The following COLEC12 variants were observed in gnomAD, a reference collection of about 807,000 sequenced individuals.
COLEC12 encodes the protein collectin subfamily member 12.
In COLEC12, 33 loss-of-function variants were observed where a neutral mutation model predicts 71.1. That is an observed-to-expected ratio of 0.46 (90% CI 0.35 to 0.62). The LOEUF (loss-of-function observed/expected upper bound fraction) is 0.62. Ranked by LOEUF, COLEC12 falls within the 20% of genes least tolerant of loss-of-function variation. COLEC12 has a pLI of 0.00. For missense variants in COLEC12, 765 were observed against 916.1 expected (o/e 0.84, Z 2.13); for synonymous variants, 350 against 353.0 (o/e 0.99, Z 0.10).
chr18:324,529 C>T (rs60776125), intron 8 of COLEC12, among the ~76,000 whole-genome samples: 40,042 of 151,990 alleles, frequency 0.26, 5,532 homozygotes, highest in African/African-American at 0.29. Flanking sequence ...ATATAAGATA[C>T]TTAGAATAGG....
chr18:360,294 T>C (rs1287698874), intron 2 of COLEC12, among the ~76,000 whole-genome samples: 1 of 151,952 alleles, frequency 6.6e-6, no homozygotes, highest in Admixed American at 6.6e-5. Flanking sequence ...GTGATTCTCC[T>C]GCCTCAGCCT....
intron 2 of COLEC12, among the ~76,000 whole-genome samples, chr18:369,656 G>A (rs1156748675): frequency 6.6e-6 from 1 of 151,972 alleles, no homozygotes; most frequent in Admixed American, 6.6e-5. Context: ...TGGAAACAAG[G>A]TAAATTTCAA....
intron 2 of COLEC12, among the ~76,000 whole-genome samples, chr18:363,062 A>G (rs1914781467): frequency 6.6e-6 from 1 of 152,010 alleles, no homozygotes; most frequent in Non-Finnish European, 1.5e-5. Flanking sequence ...CTGATCAGTG[A>G]GCCGTTTGCT....
chr18:479,553 C>CACAT (rs1469765031), intron 2 of COLEC12, among the ~76,000 whole-genome samples: 3 of 151,728 alleles, frequency 2.0e-5, no homozygotes. Flanking sequence ...CTCTCTCTCA[C>CACAT]ACACACACAG....
chr18:368,604 C>A (rs1008236771), intron 2 of COLEC12, among the ~76,000 whole-genome samples: 1 of 143,762 alleles, frequency 7.0e-6, no homozygotes, highest in African/African-American at 2.6e-5. Flanking sequence ...GTGGCTCAGG[C>A]CTGTAATCCC....
intron 2 of COLEC12, among the ~76,000 whole-genome samples, chr18:391,347 C>T (rs1567893919): frequency 6.6e-6 from 1 of 152,198 alleles, no homozygotes; most frequent in Non-Finnish European, 1.5e-5. Flanking sequence ...AACATTTTAC[C>T]CTCCACAATT....
intron 5 of COLEC12, among the ~76,000 whole-genome samples, chr18:345,384 T>C (rs1049337447): frequency 7.2e-5 from 11 of 152,242 alleles, no homozygotes; most frequent in African/African-American, 2.7e-4. Flanking sequence ...CATTCATTTA[T>C]TTGTTTATTT....
At chr18:325,760 C>G (rs941060769) in intron 8 of COLEC12, among the ~76,000 whole-genome samples, 13 of 149,850 alleles carry the variant, frequency 8.7e-5, no homozygotes, top group Non-Finnish European at 1.5e-4. Context: ...ACCTCCCAAG[C>G]TCAAGTGATC....
intron 2 of COLEC12, among the ~76,000 whole-genome samples, chr18:471,630 A>C (rs1218406101): frequency 1.3e-5 from 2 of 151,186 alleles, no homozygotes; most frequent in African/African-American, 4.8e-5. Flanking sequence ...AACAAATTAT[A>C]AATAATAGTA....
chr18:335,410 C>T (rs115832808), intron 5 of COLEC12, among the ~76,000 whole-genome samples, 180 bp from the exon 6 acceptor site: 497 of 152,296 alleles, frequency 3.3e-3, no homozygotes, highest in African/African-American at 0.011. Flanking sequence ...TTATGTCCTC[C>T]TCCAAATTCT....
chr18:384,506 C>T (rs1915301602), intron 2 of COLEC12, among the ~76,000 whole-genome samples: 1 of 152,164 alleles, frequency 6.6e-6, no homozygotes, highest in Non-Finnish European at 1.5e-5. Context: ...CCCTGCATTG[C>T]TATTAAAGGT....
chr18:397,285 T>C (rs893858639), intron 2 of COLEC12, among the ~76,000 whole-genome samples: 10 of 152,148 alleles, frequency 6.6e-5, no homozygotes, highest in South Asian at 2.1e-4. Context: ...CCCTAAGCAG[T>C]AGGTTCCAAG....
At chr18:488,081 A>G (rs1397652861) in intron 1 of COLEC12, among the ~76,000 whole-genome samples, 1 of 152,216 alleles carries the variant, frequency 6.6e-6, no homozygotes, top group Non-Finnish European at 1.5e-5. Context: ...AGAAAATAAT[A>G]TATCTGGAAA....
chr18:348,433 T>C (rs1289029712), intron 3 of COLEC12, among the ~76,000 whole-genome samples: 1 of 152,204 alleles, frequency 6.6e-6, no homozygotes, highest in Non-Finnish European at 1.5e-5. Flanking sequence ...CAGAAATCAT[T>C]TGGAACTAAT....
rs1913616165 is a variant in COLEC12, at chr18:318,803, TTTTAAGAGTTCCACAAA to T, written c.*1225_*1241del. 2 of 152,220 alleles carry T rather than the reference TTTTAAGAGTTCCACAAA, an allele frequency of 1.3e-5. No individual in the cohort carries two copies. Among genetic ancestry groups the T allele is most frequent in the African/African-American group, 2.4e-5 (1 of 41,448 alleles). 9.4% of individuals were successfully genotyped at this position (152,220 alleles called of 1,614,324 possible). A position where few individuals can be genotyped will look rare whatever the true frequency, so the allele number is the denominator to read the frequency against. On this transcript the variant is annotated 3_prime_UTR_variant, in exon 10 of 10. Coordinates refer to ENST00000400256, the MANE Select transcript of COLEC12 (RefSeq NM_130386.3). ...CCACTGCGCCCGGCTGGAAAGGTTCTTTTAAGAGTTCCACAAAGTGGCCAAAAGTTTATTCTTGCATT... is the reference window on the plus strand; with the variant it reads ...CCACTGCGCCCGGCTGGAAAGGTTCTGTGGCCAAAAGTTTATTCTTGCATT...
In COLEC12 at chr18:321,658, T is replaced by C; in HGVS notation, c.2209+4A>G. 1 of 1,614,192 alleles carries C rather than the reference T, an allele frequency of 6.2e-7. No homozygotes were observed. The highest frequency in any genetic ancestry group is 8.5e-7 in the Non-Finnish European group (1 of 1,180,026). On this transcript the variant is annotated splice_donor_region_variant and intron_variant, in intron 9 of 9. Coordinates refer to ENST00000400256, the MANE Select transcript of COLEC12 (RefSeq NM_130386.3). ...CTCCCTCTTAAATCCCATCTACTGC[T>C]CACCTGTCTCCCTGTCTTTTTCGCA...
intron 2 of COLEC12, among the ~76,000 whole-genome samples, chr18:445,209 T>C (rs1325599760): frequency 1.3e-5 from 2 of 152,204 alleles, no homozygotes. Flanking sequence ...GTTCTTTCAA[T>C]GTGGCATAAA....
At chr18:474,709 C>G (rs934671942) in intron 2 of COLEC12, among the ~76,000 whole-genome samples, 1 of 152,228 alleles carries the variant, frequency 6.6e-6, no homozygotes, top group Non-Finnish European at 1.5e-5. Flanking sequence ...TGTGACTCCC[C>G]TTCCAGCTCT....
intron 2 of COLEC12, among the ~76,000 whole-genome samples, chr18:414,744 A>C (rs1305018432): frequency 6.6e-6 from 1 of 152,210 alleles, no homozygotes; most frequent in Non-Finnish European, 1.5e-5. Flanking sequence ...AGATGAAGTG[A>C]CTTGCCCAAG....
Sources: allele counts gnomAD v4.1 joint callset (sites outside exome capture counted in the v4.1 genomes callset), GRCh38; gene constraint gnomAD v4.1.1; transcripts MANE v1.5; gene names NCBI Gene and HGNC (gene_info 2026-07-23, HGNC 2026-07-21).